Variants in ESRRG observed in about 807,000 individuals in gnomAD.
ESRRG encodes estrogen related receptor gamma.
In ESRRG, 13 loss-of-function variants were observed where a neutral mutation model predicts 44.0. That is an observed-to-expected ratio of 0.30 (90% CI 0.19 to 0.47). The LOEUF is 0.47. ESRRG is among the 20% of genes least tolerant of loss of function. The pLI, the probability that ESRRG is intolerant of heterozygous loss-of-function variation, is 1.00. For missense variants in ESRRG, 395 were observed against 580.6 expected (o/e 0.68, Z 3.29); for synonymous variants, 215 against 214.6 (o/e 1.00, Z -0.02).
intron 1 of ESRRG, among the ~76,000 whole-genome samples, chr1:216,940,473 G>A (rs1196547393): frequency 2.0e-5 from 3 of 152,184 alleles, no homozygotes; most frequent in South Asian, 4.1e-4. Flanking sequence ...GCAGCTCAGG[G>A]GGTGAGAAGG....
chr1:216,608,322 A>T (rs1437441658), intron 3 of ESRRG, among the ~76,000 whole-genome samples: 1 of 152,210 alleles, frequency 6.6e-6, no homozygotes, highest in African/African-American at 2.4e-5. Flanking sequence ...TCATGTATGC[A>T]TAGTTGCCCT....
At chr1:216,794,246 G>A (rs1273210969) in intron 2 of ESRRG, among the ~76,000 whole-genome samples, 2 of 152,154 alleles carry the variant, frequency 1.3e-5, no homozygotes, top group South Asian at 2.1e-4. Flanking sequence ...AGAAACTCCC[G>A]TAGGTCTTGG....
intron 5 of ESRRG, among the ~76,000 whole-genome samples, chr1:216,524,076 G>T (rs1434245590): frequency 6.6e-6 from 1 of 151,882 alleles, no homozygotes; most frequent in Admixed American, 6.6e-5. Flanking sequence ...GCTACCAATA[G>T]ACACACAGAT....
chr1:216,606,037 A>G (rs1348194948), intron 3 of ESRRG, among the ~76,000 whole-genome samples: 1 of 152,228 alleles, frequency 6.6e-6, no homozygotes, highest in Non-Finnish European at 1.5e-5. Flanking sequence ...ACATTCAAAA[A>G]CAAAATCACA....
At chr1:216,525,969 T>C (rs1374233679) in intron 5 of ESRRG, among the ~76,000 whole-genome samples, 7 of 152,142 alleles carry the variant, frequency 4.6e-5, no homozygotes, top group African/African-American at 1.7e-4. Context: ...TAATTTAAAA[T>C]TCAAGCCTCC....
At chr1:216,633,825 A>T (rs1367418677) in intron 3 of ESRRG, among the ~76,000 whole-genome samples, 2 of 152,262 alleles carry the variant, frequency 1.3e-5, no homozygotes, top group Non-Finnish European at 2.9e-5. Context: ...ATATTTCAGA[A>T]GAAAATTATT....
At chr1:216,527,268 C>T (rs1242247522) in intron 5 of ESRRG, among the ~76,000 whole-genome samples, 1 of 152,146 alleles carries the variant, frequency 6.6e-6, no homozygotes, top group Non-Finnish European at 1.5e-5. Context: ...CCCTCCATTC[C>T]AGTTTTGGTT....
At chr1:216,618,553 T>C (rs1163724799) in intron 3 of ESRRG, among the ~76,000 whole-genome samples, 2 of 152,362 alleles carry the variant, frequency 1.3e-5, no homozygotes, top group Non-Finnish European at 2.9e-5. Flanking sequence ...GACATCCGTA[T>C]GTATACATTA....
At chr1:216,758,614 T>A (rs547497161) in intron 2 of ESRRG, among the ~76,000 whole-genome samples, 4 of 152,162 alleles carry the variant, frequency 2.6e-5, no homozygotes, top group African/African-American at 7.2e-5. Flanking sequence ...GACTGTACTA[T>A]TTTACAAATA....
chr1:216,704,256 G>A (rs976728708), intron 1 of ESRRG, among the ~76,000 whole-genome samples: 1 of 152,184 alleles, frequency 6.6e-6, no homozygotes, highest in Admixed American at 6.5e-5. Flanking sequence ...GCTCACGCTT[G>A]TAATCCCAAC....
At chr1:216,979,055 C>T (rs2073474508) in intron 1 of ESRRG, among the ~76,000 whole-genome samples, 1 of 152,116 alleles carries the variant, frequency 6.6e-6, no homozygotes, top group African/African-American at 2.4e-5. Flanking sequence ...CCCTCCCCTC[C>T]TCCCATTTTT....
At chr1:216,684,926 C>T (rs1250261894) in intron 1 of ESRRG, among the ~76,000 whole-genome samples, 1 of 152,194 alleles carries the variant, frequency 6.6e-6, no homozygotes, top group Non-Finnish European at 1.5e-5. Context: ...ACTATATCCT[C>T]ACAACTGCTC....
At chr1:216,631,642 T>C (rs2064203907) in intron 3 of ESRRG, among the ~76,000 whole-genome samples, 1 of 152,130 alleles carries the variant, frequency 6.6e-6, no homozygotes, top group Non-Finnish European at 1.5e-5. Context: ...AAAAGGGATA[T>C]ATGTACGTAT....
chr1:217,017,703 A>G (rs2079626004), intron 1 of ESRRG, among the ~76,000 whole-genome samples: 1 of 152,118 alleles, frequency 6.6e-6, no homozygotes, highest in Non-Finnish European at 1.5e-5. Flanking sequence ...TATCTACGCC[A>G]TAGGATTTCT....
intron 2 of ESRRG, among the ~76,000 whole-genome samples, chr1:216,919,807 T>C (rs2061606935): frequency 6.6e-6 from 1 of 152,162 alleles, no homozygotes; most frequent in Non-Finnish European, 1.5e-5. Context: ...TGTCAGTGTA[T>C]GGTAGGAGAA....
intron 1 of ESRRG, among the ~76,000 whole-genome samples, chr1:217,080,719 C>G (rs1460338269): frequency 1.5e-5 from 2 of 134,070 alleles, no homozygotes; most frequent in Non-Finnish European, 3.1e-5. Flanking sequence ...GCTCTGTTGC[C>G]CAGGCTGGAG....
intron 2 of ESRRG, among the ~76,000 whole-genome samples, chr1:216,782,529 T>C (rs941762403): frequency 1.3e-5 from 2 of 152,120 alleles, no homozygotes; most frequent in African/African-American, 4.8e-5. Context: ...TGAAACAATA[T>C]GCATTTTTGT....
chr1:216,710,879 G>C (rs974842080), intron 1 of ESRRG, among the ~76,000 whole-genome samples: 4 of 152,032 alleles, frequency 2.6e-5, no homozygotes, highest in Non-Finnish European at 1.5e-5. Context: ...GCCACAGACA[G>C]GGGGGAAATG....
At chr1:216,689,723 A>T (rs1206005221) in intron 1 of ESRRG, among the ~76,000 whole-genome samples, 2 of 152,166 alleles carry the variant, frequency 1.3e-5, no homozygotes, top group African/African-American at 4.8e-5. Context: ...ATATGCCTAC[A>T]CACACAAACA....
Sources: gnomAD v4.1 joint callset for allele counts (sites outside exome capture counted in the v4.1 genomes callset) on GRCh38, gnomAD v4.1.1 for gene constraint, MANE v1.5 for transcripts, NCBI Gene and HGNC (gene_info 2026-07-23, HGNC 2026-07-21) for gene names.